MLLT1: variants seen among roughly 807,000 people sequenced by gnomAD.
MLLT1 encodes protein ENL.
In MLLT1, 11 loss-of-function variants were observed where a neutral mutation model predicts 55.1. That is an observed-to-expected ratio of 0.20 (90% CI 0.13 to 0.33). The LOEUF (loss-of-function observed/expected upper bound fraction) is 0.33. Ranked by LOEUF, MLLT1 falls within the 10% of genes least tolerant of loss-of-function variation. The pLI is 1.00. For synonymous variants in MLLT1, 323 were observed against 320.1 expected (o/e 1.01, Z -0.10); for missense variants, 536 against 760.6 (o/e 0.70, Z 3.47).
chr19:6,271,834 C>T (rs1367560583), intron 1 of MLLT1, among the ~76,000 whole-genome samples: 6 of 152,266 alleles, frequency 3.9e-5, no homozygotes, highest in African/African-American at 9.6e-5. Flanking sequence ...GCCGCCCTCC[C>T]GGGCCCCAGA....
intron 5 of MLLT1, among the ~76,000 whole-genome samples, chr19:6,225,322 C>G (rs2090945184): frequency 1.3e-5 from 2 of 152,234 alleles, no homozygotes; most frequent in South Asian, 4.1e-4. Flanking sequence ...AAAGGCCCAC[C>G]TATCCCATCT....
At chr19:6,213,548 G>T in intron 10 of MLLT1, 140 bp from the exon 11 acceptor site, 2 of 993,128 alleles carry the variant, frequency 2.0e-6, no homozygotes, top group Middle Eastern at 2.1e-4. Context: ...GCCCAAGGCT[G>T]CAGGGGCAGC....
At chr19:6,266,002 C>T (rs1309787696) in intron 2 of MLLT1, among the ~76,000 whole-genome samples, 2 of 151,980 alleles carry the variant, frequency 1.3e-5, no homozygotes, top group Non-Finnish European at 2.9e-5. Context: ...GATCTTAAGC[C>T]GGGCATGGTG....
chr19:6,215,337 G>A (rs1266461915), intron 8 of MLLT1, among the ~76,000 whole-genome samples: 1 of 152,244 alleles, frequency 6.6e-6, no homozygotes, highest in Non-Finnish European at 1.5e-5. Flanking sequence ...GGCGCAAGCA[G>A]AATCCACCCT....
Position 6,231,657 on chromosome 19 carries a change from A to G in MLLT1, c.277-944T>C, listed in dbSNP as rs1348141917. Among the ~76,000 whole-genome samples, 1 of 151,632 alleles carries G rather than the reference A, an allele frequency of 6.6e-6. No homozygotes were observed. The highest frequency in any genetic ancestry group is 1.5e-5 in the Non-Finnish European group (1 of 67,936). On this transcript the variant is annotated intron_variant, in intron 3 of 11. Transcript: ENST00000252674. This position sits in a 1 kb window ranked among gnomAD's most constrained non-coding sequence, Gnocchi z 5.1. ...GCTGGGACTACAGGCGCCCGCCACC[A>G]CGTCTGGCTAATTTTTTGTATTTTC...
chr19:6,215,475 C>G (rs763462588), intron 8 of MLLT1, among the ~76,000 whole-genome samples: 6 of 152,190 alleles, frequency 3.9e-5, no homozygotes, highest in Non-Finnish European at 1.5e-5. Flanking sequence ...GCGGCTCCCC[C>G]GCAGTGAGCC....
At chr19:6,217,388 T>C (rs1017822803) in intron 7 of MLLT1, among the ~76,000 whole-genome samples, 52 of 152,140 alleles carry the variant, frequency 3.4e-4, no homozygotes, top group Non-Finnish European at 8.8e-5. Flanking sequence ...TCAGGGCAGC[T>C]CTCCCACTGT....
chr19:6,253,037 G>A (rs2091230675), intron 3 of MLLT1, among the ~76,000 whole-genome samples: 1 of 151,962 alleles, frequency 6.6e-6, no homozygotes, highest in Admixed American at 6.6e-5. Context: ...ACCGAAGTGG[G>A]CGGATCATGA....
At position 6,235,561 on chromosome 19, in the gene MLLT1, G is replaced by T. The variant is rs1167250444; in HGVS notation, c.277-4848C>A. ...AGCTCTGCCCACTGCCTGGCACAGG[G>T]CACCCTGGGGCTCGGAACTGGGTCC... On this transcript the variant is annotated intron_variant, in intron 3 of 11. Transcript: ENST00000252674. This position sits in a 1 kb window ranked among gnomAD's most constrained non-coding sequence, Gnocchi z 5.5. Among the ~76,000 whole-genome samples the T allele has an allele frequency of 6.6e-6, 1 of 152,132 alleles. No individual in the cohort carries two copies. The highest frequency in any genetic ancestry group is 1.5e-5 in the Non-Finnish European group (1 of 67,982).
chr19:6,215,320 G>A (rs191240284), intron 8 of MLLT1, among the ~76,000 whole-genome samples: 44 of 152,338 alleles, frequency 2.9e-4, no homozygotes, highest in African/African-American at 5.5e-4. Context: ...CTGCGCTCAC[G>A]GCTCTTGGCG....
chr19:6,232,336 G>C (rs1010003620), intron 3 of MLLT1, among the ~76,000 whole-genome samples: 3 of 152,140 alleles, frequency 2.0e-5, no homozygotes, highest in African/African-American at 7.2e-5. Context: ...CCACTCAATG[G>C]GGACTGAGGA....
chr19:6,253,148 C>A (rs956422872), intron 3 of MLLT1, among the ~76,000 whole-genome samples: 17 of 150,998 alleles, frequency 1.1e-4, no homozygotes, highest in African/African-American at 3.4e-4. Flanking sequence ...ACCCGTAGTC[C>A]CAGCTACTCG....
chr19:6,265,038 C>CAAAAAAAAAAAAAAAAAAA (rs928827048), intron 2 of MLLT1, among the ~76,000 whole-genome samples: 16 of 21,194 alleles, frequency 7.5e-4, no homozygotes, highest in African/African-American at 1.0e-3. Context: ...TAGTGAACAG[C>CAAAAAAAAAAAAAAAAAAA]AAAAAAAAAA....
At chr19:6,214,083 G>A (rs1198225540) in intron 8 of MLLT1, 45 bp from the exon 9 acceptor site, 11 of 1,221,434 alleles carry the variant, frequency 9.0e-6, no homozygotes, top group South Asian at 8.1e-5. Context: ...CCGCCACCAC[G>A]GCCCCCACCC....
intron 3 of MLLT1, among the ~76,000 whole-genome samples, chr19:6,237,641 C>T (rs553458726): frequency 1.2e-4 from 18 of 150,684 alleles, no homozygotes; most frequent in East Asian, 1.2e-3. Context: ...TGGTGGCGGA[C>T]GCCTGTAGTC....
intron 5 of MLLT1, among the ~76,000 whole-genome samples, chr19:6,224,636 C>T (rs1049034062): frequency 3.3e-5 from 5 of 152,384 alleles, no homozygotes; most frequent in South Asian, 2.1e-4. Context: ...GCCACCAGGG[C>T]CTGCCTGGCT....
intron 3 of MLLT1, among the ~76,000 whole-genome samples, chr19:6,243,825 C>T (rs2091139619): frequency 6.6e-6 from 1 of 152,024 alleles, no homozygotes; most frequent in Non-Finnish European, 1.5e-5. Context: ...AGGTGGATCA[C>T]GAGGTCAGGA....
chr19:6,265,489 G>GGA (rs759307210), intron 2 of MLLT1, among the ~76,000 whole-genome samples: 2 of 152,102 alleles, frequency 1.3e-5, no homozygotes, highest in Non-Finnish European at 2.9e-5. Flanking sequence ...TGACCAACAT[G>GGA]GAGAAACCCC....
Position 6,230,705 on chromosome 19 carries a change from C to T in MLLT1, c.285G>A (p.Pro95=), listed in dbSNP as rs754810529. The stretch of plus-strand genomic sequence containing the variant: ...GGTCGTAGGTGAAGCAGACCTTCCT[C>T]GGCTCCTCCTGAAACAGAGAAAACA... ...IEVHFKNKEE[P]RKVCFTYDLF... Residue 95 remains proline (P), a synonymous_variant, in exon 4 of 12, where the codon CCG becomes CCA. Coordinates refer to ENST00000252674, the MANE Select transcript of MLLT1 (RefSeq NM_005934.4). This position sits in a 1 kb window ranked among gnomAD's most constrained non-coding sequence, Gnocchi z 9.0. 11 of 1,613,888 alleles carry T rather than the reference C, an allele frequency of 6.8e-6. No homozygotes were observed. The highest frequency in any genetic ancestry group is 1.7e-5 in the Admixed American group (1 of 60,012).
Sources: allele counts gnomAD v4.1 joint callset (sites outside exome capture counted in the v4.1 genomes callset), GRCh38; gene constraint gnomAD v4.1.1; non-coding constraint Gnocchi (gnomAD v3.1); transcripts MANE v1.5; gene names NCBI Gene and HGNC (gene_info 2026-07-23, HGNC 2026-07-21).